The following NCOA6 variants were observed in gnomAD, a reference collection of about 807,000 sequenced individuals.
NCOA6 encodes the protein NRC RAP250.
A neutral mutation model predicts 171.4 loss-of-function variants in NCOA6; 49 were observed. That is an observed-to-expected ratio of 0.29 (90% CI 0.23 to 0.36). The LOEUF is 0.36. Ranked by LOEUF, NCOA6 falls within the 10% of genes least tolerant of loss-of-function variation. The pLI, the probability that NCOA6 is intolerant of heterozygous loss-of-function variation, is 1.00. For synonymous variants in NCOA6, 910 were observed against 927.5 expected, an observed-to-expected ratio of 0.98 and a Z score of 0.34; for missense variants, 2,248 against 2,554.5, an observed-to-expected ratio of 0.88 and a Z score of 2.59.
At chr20:34,797,163 T>G (rs928204699) in intron 1 of NCOA6, among the ~76,000 whole-genome samples, 1 of 152,104 alleles carries the variant, frequency 6.6e-6, no homozygotes, top group Non-Finnish European at 1.5e-5. Context: ...GGAGTAATTG[T>G]GCCACCTCTT....
intron 5 of NCOA6, among the ~76,000 whole-genome samples, chr20:34,768,173 CT>C (rs2145964548): frequency 6.6e-6 from 1 of 152,232 alleles, no homozygotes; most frequent in African/African-American, 2.4e-5. Flanking sequence ...AAATGTCTCA[CT>C]TATTTCTATT....
intron 8 of NCOA6, among the ~76,000 whole-genome samples, chr20:34,751,630 C>T (rs1043495691): frequency 6.6e-6 from 1 of 151,972 alleles, no homozygotes; most frequent in African/African-American, 2.4e-5. Flanking sequence ...ACTAGATGAC[C>T]CATCTGGAAG....
chr20:34,778,452 G>A (rs1402932288), intron 3 of NCOA6, among the ~76,000 whole-genome samples: 8 of 149,512 alleles, frequency 5.4e-5, no homozygotes, highest in African/African-American at 9.9e-5. Flanking sequence ...TTTTTGAGAC[G>A]GAGTCTCAAT....
At chr20:34,821,953 CT>C (rs2079021747) in intron 1 of NCOA6, among the ~76,000 whole-genome samples, 1 of 152,172 alleles carries the variant, frequency 6.6e-6, no homozygotes, top group Non-Finnish European at 1.5e-5. Context: ...AAAACTCCCC[CT>C]AAGCCACTCA....
chr20:34,741,445 T>C lies in NCOA6; in HGVS notation c.4811A>G (p.Asn1604Ser), dbSNP rs771074082. 10 of 1,613,902 alleles carry C rather than the reference T, an allele frequency of 6.2e-6. No individual in the cohort carries two copies. Among genetic ancestry groups the C allele is most frequent in the Admixed American group, 3.3e-5 (2 of 59,984 alleles). The part of the protein sequence containing the change: ...PNQITVFVTS[N>S]PITTSANTSA... ...TGTGTTAGCTGAAGTTGTGATGGGA[T>C]TGGAAGTGACAAATACAGTTATTTG... The change falls in exon 11 of 15, where the codon AAT (asparagine) becomes AGT (serine). Residue 1604 changes from asparagine to serine, a missense_variant. Asn to Ser is a conservative substitution (Grantham distance 46, BLOSUM62 1). Coordinates refer to ENST00000359003, the MANE Select transcript of NCOA6 (RefSeq NM_014071.5).
At chr20:34,776,233 T>G (rs895552150) in intron 4 of NCOA6, 60 bp downstream of exon 4, 1 of 1,548,560 alleles carries the variant, frequency 6.5e-7, no homozygotes, top group Non-Finnish European at 8.8e-7. Flanking sequence ...CAGAAAATCA[T>G]GCTATATTCT....
At chr20:34,794,179 G>C (rs1157911281) in intron 1 of NCOA6, among the ~76,000 whole-genome samples, 1 of 152,154 alleles carries the variant, frequency 6.6e-6, no homozygotes, top group East Asian at 1.9e-4. Flanking sequence ...CTGGGTACTT[G>C]AGAGGCTAAG....
At chr20:34,737,808 T>A (rs2076003463) in intron 11 of NCOA6, among the ~76,000 whole-genome samples, 1 of 152,254 alleles carries the variant, frequency 6.6e-6, no homozygotes, top group African/African-American at 2.4e-5. Flanking sequence ...TATGCATTTG[T>A]GTTTAAGAAT....
intron 2 of NCOA6, among the ~76,000 whole-genome samples, chr20:34,786,461 TC>T (rs1243150437): frequency 1.3e-5 from 2 of 152,218 alleles, no homozygotes; most frequent in Non-Finnish European, 2.9e-5. Flanking sequence ...TTGAGATCTC[TC>T]TAGCTTTTTG....
chr20:34,809,977 G>A (rs986483339), intron 1 of NCOA6, among the ~76,000 whole-genome samples: 2 of 152,016 alleles, frequency 1.3e-5, no homozygotes, highest in Non-Finnish European at 2.9e-5. Context: ...AAAAAAAAGA[G>A]TTGTAAAAGA....
In NCOA6 at chr20:34,741,681, G is replaced by A. The variant is rs1568745049; in HGVS notation, c.4575C>T (p.Leu1525=). The part of the protein sequence containing the change: ...VTPPVVSGED[L]KKASVIPTLQ... ...GTGTGGGAATGACAGATGCTTTTTT[G>A]AGGTCCTCCCCAGAAACTACTGGAG... The change falls in exon 11 of 15, where the codon CTC becomes CTT. Residue 1525 remains leucine, a synonymous_variant. Transcript: ENST00000359003. 3 of 1,614,026 alleles carry A rather than the reference G, an allele frequency of 1.9e-6. No individual in the cohort carries two copies. Among genetic ancestry groups the A allele is most frequent in the Non-Finnish European group, 2.5e-6 (3 of 1,180,024 alleles).
chr20:34,783,732 C>T (rs2077579406), intron 2 of NCOA6, among the ~76,000 whole-genome samples: 1 of 152,138 alleles, frequency 6.6e-6, no homozygotes, highest in South Asian at 2.1e-4. Flanking sequence ...AAGCAATTCT[C>T]CTGCCTCAGC....
intron 4 of NCOA6, among the ~76,000 whole-genome samples, chr20:34,773,418 A>T (rs2146043942): frequency 6.6e-6 from 1 of 152,352 alleles, no homozygotes; most frequent in Admixed American, 6.5e-5. Flanking sequence ...GCCTTGCAGC[A>T]GACACGATAG....
intron 14 of NCOA6, 86 bp downstream of exon 14, chr20:34,727,173 G>A (rs1466085282): frequency 6.2e-6 from 9 of 1,457,456 alleles, no homozygotes; most frequent in Middle Eastern, 3.8e-4. Context: ...CAGAAGCAAT[G>A]ATGAAGGACA....
At chr20:34,751,004 C>T (rs1407207891) in intron 8 of NCOA6, among the ~76,000 whole-genome samples, 2 of 151,664 alleles carry the variant, frequency 1.3e-5, no homozygotes, top group African/African-American at 2.4e-5. Context: ...CAGAGTGAAA[C>T]CCCGTCTCAA....
In NCOA6 at chr20:34,727,132, G is replaced by A. The variant is rs1381930015; in HGVS notation, c.6148+127C>T. 1.1e-5 allele frequency: 13 copies of A among 1,136,070 alleles called. No individual in the cohort carries two copies. The Admixed American group carries it at 2.7e-4, about 24-fold the overall frequency. 70.4% of individuals were successfully genotyped at this position (1,136,070 alleles called of 1,614,324 possible). A position where few individuals can be genotyped will look rare whatever the true frequency, so the allele number is the denominator to read the frequency against. ...TAAAGGAAGGACCAAACAGGTAGTA[G>A]AAGACAAAGACACTTGACAGACTTC... On this transcript the variant is annotated intron_variant, in intron 14 of 14. Transcript: ENST00000359003.
intron 1 of NCOA6, among the ~76,000 whole-genome samples, chr20:34,813,629 G>A (rs2078744207): frequency 6.6e-6 from 1 of 151,986 alleles, no homozygotes; most frequent in Non-Finnish European, 1.5e-5. Context: ...AATATTAAAG[G>A]CATAGTATCA....
chr20:34,771,014 A>G (rs2077133951), intron 4 of NCOA6, among the ~76,000 whole-genome samples: 1 of 152,254 alleles, frequency 6.6e-6, no homozygotes, highest in Non-Finnish European at 1.5e-5. Context: ...TGAGCCACAT[A>G]TGCAATTTAA....
At chr20:34,799,573 G>C (rs898481568) in intron 1 of NCOA6, among the ~76,000 whole-genome samples, 2 of 152,062 alleles carry the variant, frequency 1.3e-5, no homozygotes, top group Non-Finnish European at 2.9e-5. Context: ...ATAAAGAAAG[G>C]ATCCTAAAAG....
Sources: gnomAD v4.1 joint callset for allele counts (sites outside exome capture counted in the v4.1 genomes callset) on GRCh38, gnomAD v4.1.1 for gene constraint, MANE v1.5 for transcripts, NCBI Gene and HGNC (gene_info 2026-07-23, HGNC 2026-07-21) for gene names.